The following DNM1L variants were observed in gnomAD, a reference collection of about 807,000 sequenced individuals.
The protein encoded by DNM1L is dynamin 1L, also known as dynamin-1-like protein.
A neutral mutation model predicts 92.8 loss-of-function variants in DNM1L; 33 were observed. The observed-to-expected ratio is 0.36, with a 90% CI of 0.27 to 0.48. The LOEUF (loss-of-function observed/expected upper bound fraction) is 0.48. Among genes scored for constraint, DNM1L ranks in the 20% least tolerant of loss-of-function variants. The pLI is 0.99. For missense variants in DNM1L, 485 were observed against 888.8 expected, an observed-to-expected ratio of 0.55 and a Z score of 5.78; for synonymous variants, 284 against 305.0, an observed-to-expected ratio of 0.93 and a Z score of 0.72.
chr12:32,684,412 A>G (rs957863876), intron 1 of DNM1L, among the ~76,000 whole-genome samples: 1 of 152,234 alleles, frequency 6.6e-6, no homozygotes. Flanking sequence ...GATATTTCAC[A>G]TTAGTGGAAT....
At chr12:32,710,705 A>G (rs1008842625) in intron 4 of DNM1L, among the ~76,000 whole-genome samples, 3 of 152,174 alleles carry the variant, frequency 2.0e-5, no homozygotes, top group African/African-American at 4.8e-5. Context: ...TATATAATAC[A>G]TGTACATATA....
At chr12:32,727,418 C>A (rs528909559) in intron 9 of DNM1L, 2 of 720,916 alleles carry the variant, frequency 2.8e-6, no homozygotes, top group East Asian at 2.6e-5. Flanking sequence ...AGAAGCCAGG[C>A]GGCTGGAGCT....
intron 9 of DNM1L, among the ~76,000 whole-genome samples, chr12:32,722,965 C>A (rs1592635738): frequency 6.6e-6 from 1 of 151,512 alleles, no homozygotes; most frequent in African/African-American, 2.4e-5. Context: ...TTAGTACACA[C>A]AGTATAATTG....
At chr12:32,736,637 G>T (rs968341095) in intron 13 of DNM1L, among the ~76,000 whole-genome samples, 1 of 152,210 alleles carries the variant, frequency 6.6e-6, no homozygotes, top group Non-Finnish European at 1.5e-5. Context: ...ACGGTTTTAT[G>T]AGGGGAGTTG....
intron 2 of DNM1L, among the ~76,000 whole-genome samples, chr12:32,704,781 G>A (rs1276907004): frequency 6.6e-6 from 1 of 152,074 alleles, no homozygotes; most frequent in Non-Finnish European, 1.5e-5. Context: ...CTGAGTCCAC[G>A]AAGGTCAAGA....
chr12:32,714,613 C>T (rs907669330), intron 6 of DNM1L, among the ~76,000 whole-genome samples: 1 of 151,920 alleles, frequency 6.6e-6, no homozygotes, highest in African/African-American at 2.4e-5. Flanking sequence ...CTCTTTTTTA[C>T]CACTTGAGTA....
Position 32,726,017 on chromosome 12 carries a change from A to G in DNM1L, c.1079+3384A>G, listed in dbSNP as rs374066745. ...ATCCAAGCAGACTTAACCCTATTCA[A>G]CAAACAGCTGAAAAAATACTTTGGT... On this transcript the variant is annotated intron_variant, in intron 9 of 19. Transcript: ENST00000549701. 9.9e-5 allele frequency among the ~76,000 whole-genome samples: 15 copies of G among 152,026 alleles called. 3 individuals carry two copies. Among genetic ancestry groups the G allele is most frequent in the Admixed American group, 1.3e-4 (2 of 15,258 alleles).
At chr12:32,730,670 G>A (rs1304824541) in intron 9 of DNM1L, among the ~76,000 whole-genome samples, 2 of 152,278 alleles carry the variant, frequency 1.3e-5, no homozygotes, top group East Asian at 3.9e-4. Context: ...ACTTCAGATT[G>A]TGAATCAATG....
At chr12:32,732,926 CT>C (rs1954646550) in intron 12 of DNM1L, among the ~76,000 whole-genome samples, 1 of 152,168 alleles carries the variant, frequency 6.6e-6, no homozygotes, top group African/African-American at 2.4e-5. Flanking sequence ...GAGAAACCCC[CT>C]CTCTACTAAA....
chr12:32,697,301 G>A (rs911754092), intron 1 of DNM1L, among the ~76,000 whole-genome samples: 4 of 152,034 alleles, frequency 2.6e-5, no homozygotes, highest in African/African-American at 9.7e-5. Flanking sequence ...GCCCTTCCTG[G>A]GGAATCTACT....
intron 12 of DNM1L, chr12:32,733,382 T>C (rs1954687550): frequency 7.9e-6 from 2 of 251,980 alleles, no homozygotes; most frequent in Non-Finnish European, 7.7e-6. Context: ...TCTGAAGTTT[T>C]AATAGCAAAG....
At position 32,731,526 on chromosome 12, in the gene DNM1L, T is replaced by C. The variant is rs760183963; in HGVS notation, c.1356+15T>C. The C allele has an allele frequency of 6.2e-7, 1 of 1,613,724 alleles. No individual in the cohort carries two copies. The highest frequency in any genetic ancestry group is 8.5e-7 in the Non-Finnish European group (1 of 1,179,966). On this transcript the variant is annotated intron_variant, in intron 11 of 19. Transcript: ENST00000549701. This position sits in a 1 kb window ranked among gnomAD's most constrained non-coding sequence, Gnocchi z 5.1. The stretch of plus-strand genomic sequence containing the variant: ...ACAGTACACAGGTAACGGAGAGAAA[T>C]GTAACAGGTTTCACATGAACTAGAA...
intron 2 of DNM1L, among the ~76,000 whole-genome samples, chr12:32,702,185 G>T (rs1952731944): frequency 7.4e-6 from 1 of 135,630 alleles, no homozygotes; most frequent in African/African-American, 2.8e-5. Context: ...AGTGAGCTGA[G>T]ATCACGCCAC....
chr12:32,734,391 G>C (rs1191997660), intron 13 of DNM1L, among the ~76,000 whole-genome samples: 1 of 152,132 alleles, frequency 6.6e-6, no homozygotes, highest in East Asian at 1.9e-4. Flanking sequence ...CCCTAATTCA[G>C]TAAGACCTGA....
intron 2 of DNM1L, 144 bp downstream of exon 2, chr12:32,701,706 A>G (rs1010911415): frequency 1.5e-5 from 12 of 778,074 alleles, no homozygotes; most frequent in Non-Finnish European, 2.5e-5. Context: ...ATCTTTCTTA[A>G]TGTAAAAAAA....
intron 1 of DNM1L, among the ~76,000 whole-genome samples, chr12:32,682,413 T>A (rs1474256665): frequency 6.6e-6 from 1 of 152,168 alleles, no homozygotes; most frequent in Non-Finnish European, 1.5e-5. Flanking sequence ...ATTACAGGTG[T>A]GAACCACCCC....
intron 1 of DNM1L, among the ~76,000 whole-genome samples, chr12:32,683,134 AG>A (rs1951869723): frequency 6.6e-6 from 1 of 152,244 alleles, no homozygotes; most frequent in South Asian, 2.1e-4. Context: ...TAGTGTTCCT[AG>A]TAATGTACTT....
intron 1 of DNM1L, among the ~76,000 whole-genome samples, chr12:32,693,287 T>A (rs553735815): frequency 3.0e-4 from 46 of 152,340 alleles, no homozygotes; most frequent in African/African-American, 1.1e-3. Flanking sequence ...AGGTTTTGTT[T>A]TGTGAGTTTT....
At chr12:32,686,937 C>CTTTTT (rs71447614) in intron 1 of DNM1L, among the ~76,000 whole-genome samples, 15 of 95,614 alleles carry the variant, frequency 1.6e-4, no homozygotes, top group African/African-American at 2.6e-4. Flanking sequence ...TCTTTTTTTT[C>CTTTTT]TTTTTTTTTT....
Sources: allele counts gnomAD v4.1 joint callset (sites outside exome capture counted in the v4.1 genomes callset), GRCh38; gene constraint gnomAD v4.1.1; non-coding constraint Gnocchi (gnomAD v3.1); transcripts MANE v1.5; gene names NCBI Gene and HGNC (gene_info 2026-07-23, HGNC 2026-07-21).